RHPN2: variants seen among roughly 807,000 people sequenced by gnomAD.
RHPN2 encodes rhophilin Rho GTPase binding protein 2.
RHPN2 carries 40 observed loss-of-function variants against 79.0 expected under a neutral mutation model. That is an observed-to-expected ratio of 0.51 (90% CI 0.39 to 0.66). The LOEUF is 0.66. Among genes scored for constraint, RHPN2 ranks in the 30% least tolerant of loss-of-function variants. The probability of loss-of-function intolerance (pLI) is 0.00; values close to 1 mark genes in which losing one functional copy is unlikely to be tolerated. For synonymous variants in RHPN2, 285 were observed against 363.5 expected (o/e 0.78, Z 2.46); for missense variants, 686 against 883.5 (o/e 0.78, Z 2.83).
intron 14 of RHPN2, among the ~76,000 whole-genome samples, chr19:32,982,641 CCCTCAG>C (rs1332543153): frequency 6.6e-6 from 1 of 151,996 alleles, no homozygotes; most frequent in Admixed American, 6.6e-5. Context: ...CATTTCCCAA[CCCTCAG>C]CTGCTCAAAG....
At chr19:33,000,509 G>A (rs978036257) in intron 9 of RHPN2, among the ~76,000 whole-genome samples, 3 of 151,938 alleles carry the variant, frequency 2.0e-5, no homozygotes, top group African/African-American at 4.8e-5. Context: ...CACCACACCC[G>A]GCAAGGTTTG....
Position 33,020,003 on chromosome 19 carries a change from C to T in RHPN2, c.390+1568G>A, listed in dbSNP as rs571157714. Among the ~76,000 whole-genome samples the T allele has an allele frequency of 3.9e-5, 6 of 152,190 alleles. No individual in the cohort carries two copies. In the East Asian group the frequency reaches 9.7e-4, roughly 25 times the overall value. On this transcript the variant is annotated intron_variant, in intron 4 of 14. Transcript: ENST00000254260. ...GGGTATTCCAGGCACAGGACGGTCT[C>T]CCAGCCCCAGCATCGGGGCATGGTC...
At chr19:33,025,616 T>A (rs1476471996) in intron 3 of RHPN2, among the ~76,000 whole-genome samples, 1 of 152,254 alleles carries the variant, frequency 6.6e-6, no homozygotes, top group Non-Finnish European at 1.5e-5. Context: ...AGAATCTCTG[T>A]GTGTGCATAG....
At chr19:32,983,094 A>ACACACACT (rs1164579516) in intron 14 of RHPN2, among the ~76,000 whole-genome samples, 3 of 132,740 alleles carry the variant, frequency 2.3e-5, no homozygotes, top group African/African-American at 8.5e-5. Flanking sequence ...ACACACACAC[A>ACACACACT]CTCCTGCAAT....
chr19:33,002,095 G>A (rs1420562496), intron 9 of RHPN2, 152 bp downstream of exon 9: 61 of 929,186 alleles, frequency 6.6e-5, no homozygotes, highest in East Asian at 1.3e-4. Flanking sequence ...TGGCCTGTGC[G>A]GCAGCTGCCT....
At chr19:32,992,518 A>T (rs1469114074) in intron 12 of RHPN2, among the ~76,000 whole-genome samples, 11 of 152,298 alleles carry the variant, frequency 7.2e-5, no homozygotes, top group Admixed American at 7.2e-4. Flanking sequence ...AATCTCTAAT[A>T]TAAAAAATGT....
rs1436702810 is a variant in RHPN2, at chr19:33,056,358, C to T, written c.69+8426G>A. ...AACTCCCAACCTCAGGTGATCCACC[C>T]ACCTCAGCTTCCCAAAGTGCTGGGA... On this transcript the variant is annotated intron_variant, in intron 1 of 14. Transcript: ENST00000254260. Among the ~76,000 whole-genome samples the T allele has an allele frequency of 3.3e-5, 5 of 152,098 alleles. No individual in the cohort carries two copies. The East Asian group carries it at 5.8e-4, about 18-fold the overall frequency.
intron 4 of RHPN2, among the ~76,000 whole-genome samples, chr19:33,015,642 C>T (rs1971871934): frequency 6.6e-6 from 1 of 152,090 alleles, no homozygotes. Flanking sequence ...TGAAACATTA[C>T]TAAATTAATA....
chr19:33,019,636 C>T (rs1328376552), intron 4 of RHPN2, among the ~76,000 whole-genome samples: 3 of 151,594 alleles, frequency 2.0e-5, no homozygotes, highest in Non-Finnish European at 2.9e-5. Context: ...CGGTGGCACA[C>T]GCCTATAGTA....
Position 33,027,244 on chromosome 19 carries a change from C to T in RHPN2, c.186-612G>A, listed in dbSNP as rs532990546. On this transcript the variant is annotated intron_variant, in intron 2 of 14. Transcript: ENST00000254260. ...AGCCTGGACAACAGAGCAAGGCTCC[C>T]TCTCAAAAAAAAAAAAAAAAAAAAA... 121 of 116,442 alleles carry T rather than the reference C, an allele frequency of 1.0e-3. 1 individual carries two copies. Among genetic ancestry groups the T allele is most frequent in the African/African-American group, 3.9e-3 (106 of 27,206 alleles). The allele number at this position is 116,442 out of a possible 1,614,324, so 7.2% of individuals were successfully genotyped here.
chr19:33,019,621 A>G (rs540893578), intron 4 of RHPN2, among the ~76,000 whole-genome samples: 1 of 152,104 alleles, frequency 6.6e-6, no homozygotes, highest in East Asian at 1.9e-4. Flanking sequence ...ACAATTAGCC[A>G]GGCACGGTGG....
At chr19:32,983,034 C>A (rs894290033) in intron 14 of RHPN2, among the ~76,000 whole-genome samples, 10 of 145,512 alleles carry the variant, frequency 6.9e-5, no homozygotes. Flanking sequence ...CTCCTCCAGG[C>A]ACCCTTGCCT....
At chr19:33,046,644 C>T (rs926114030) in intron 1 of RHPN2, among the ~76,000 whole-genome samples, 31 of 152,182 alleles carry the variant, frequency 2.0e-4, no homozygotes, top group African/African-American at 7.5e-4. Flanking sequence ...AATTTTACAA[C>T]CCAACTAACA....
At chr19:32,990,400 G>A (rs1291306757) in intron 14 of RHPN2, 114 bp downstream of exon 14, 3 of 1,123,426 alleles carry the variant, frequency 2.7e-6, no homozygotes, top group Non-Finnish European at 2.7e-6. Context: ...CCAGTCATTT[G>A]TACCATGTTA....
intron 1 of RHPN2, among the ~76,000 whole-genome samples, chr19:33,061,857 A>C (rs1010646050): frequency 6.6e-6 from 1 of 151,540 alleles, no homozygotes; most frequent in Non-Finnish European, 1.5e-5. Context: ...TTATAGAGCC[A>C]AGGTCTTGCT....
chr19:32,998,267 C>A (rs995117540), intron 10 of RHPN2, among the ~76,000 whole-genome samples: 5 of 152,144 alleles, frequency 3.3e-5, no homozygotes, highest in Non-Finnish European at 7.3e-5. Flanking sequence ...TCCACCAGGG[C>A]AGCAGGATTA....
At chr19:33,004,174 G>A (rs113748720) in intron 7 of RHPN2, among the ~76,000 whole-genome samples, 4,759 of 152,150 alleles carry the variant, frequency 0.031, 245 homozygotes, top group African/African-American at 0.11. Context: ...GAAGAGCTGG[G>A]ACTACAGCCA....
chr19:33,007,285 G>A (rs568254129), intron 7 of RHPN2, among the ~76,000 whole-genome samples: 5 of 152,058 alleles, frequency 3.3e-5, no homozygotes, highest in Admixed American at 2.6e-4. Flanking sequence ...TCAGGAGTTC[G>A]AGACCAGCCT....
chr19:33,053,021 G>C (rs1972201774), intron 1 of RHPN2, among the ~76,000 whole-genome samples: 1 of 151,862 alleles, frequency 6.6e-6, no homozygotes, highest in African/African-American at 2.4e-5. Context: ...GCCCAGGCTG[G>C]AGTGCAGTGG....
Sources: gnomAD v4.1 joint callset for allele counts (sites outside exome capture counted in the v4.1 genomes callset) on GRCh38, gnomAD v4.1.1 for gene constraint, MANE v1.5 for transcripts, NCBI Gene and HGNC (gene_info 2026-07-23, HGNC 2026-07-21) for gene names.